The following COG7 variants were observed in gnomAD, a reference collection of about 807,000 sequenced individuals.
The protein encoded by COG7 is conserved oligomeric Golgi complex subunit 7.
A neutral mutation model predicts 91.5 loss-of-function variants in COG7; 49 were observed. The observed-to-expected ratio is 0.54, with a 90% CI of 0.43 to 0.68. The LOEUF (loss-of-function observed/expected upper bound fraction) is 0.68. Ranked by LOEUF, COG7 falls within the 30% of genes least tolerant of loss-of-function variation. The pLI, the probability that COG7 is intolerant of heterozygous loss-of-function variation, is 0.00. For missense variants in COG7, 895 were observed against 961.3 expected, an observed-to-expected ratio of 0.93 and a Z score of 0.91; for synonymous variants, 365 against 388.7, an observed-to-expected ratio of 0.94 and a Z score of 0.72.
At chr16:23,417,251 G>T in intron 8 of COG7, 130 bp from the exon 9 acceptor site, 1 of 929,886 alleles carries the variant, frequency 1.1e-6, no homozygotes, top group Non-Finnish European at 1.7e-6. Context: ...TAGTCCCAAC[G>T]TTTGAATGCT....
Position 23,388,790 on chromosome 16 carries a change from G to A in COG7, c.*130C>T, listed in dbSNP as rs915657235. 41 of 1,508,934 alleles carry A rather than the reference G, an allele frequency of 2.7e-5. No individual in the cohort carries two copies. The highest frequency in any genetic ancestry group is 5.6e-5 in the African/African-American group (4 of 71,616). The allele number at this position is 1,508,934 out of a possible 1,614,324, so 93.5% of individuals were successfully genotyped here. A position where few individuals can be genotyped will look rare whatever the true frequency, so the allele number is the denominator to read the frequency against. On this transcript the variant is annotated 3_prime_UTR_variant, in exon 17 of 17. Coordinates refer to ENST00000307149, the MANE Select transcript of COG7 (RefSeq NM_153603.4). Reference sequence around the variant, plus strand: ...GCTGGGATTACAGGCGTGAGCCACCGTGACCAGCTGAACCAAGTCTTTTTA... The same window carrying A: ...GCTGGGATTACAGGCGTGAGCCACCATGACCAGCTGAACCAAGTCTTTTTA...
rs1963457227 is a variant in COG7, at chr16:23,406,153, A to G, written c.1585T>C (p.Trp529Arg). The G allele has an allele frequency of 6.2e-6, 10 of 1,614,178 alleles. No homozygotes were observed. The highest frequency in any genetic ancestry group is 2.2e-5 in the East Asian group (1 of 44,876). ...TTCTGGAGGTAATTATATTCTTGCCATGGGTTCTTGGCAGAGTTCTTCTTG... is the reference window on the plus strand; with the variant it reads ...TTCTGGAGGTAATTATATTCTTGCCGTGGGTTCTTGGCAGAGTTCTTCTTG... Reference protein sequence around the residue: ...TDKKNSAKNPWQEYNYLQKDN... With the variant: ...TDKKNSAKNPRQEYNYLQKDN... The change falls in exon 12 of 17, where the codon TGG (tryptophan) becomes CGG (arginine). Residue 529 changes from tryptophan (W) to arginine (R), a missense_variant. Coordinates refer to ENST00000307149, the MANE Select transcript of COG7 (RefSeq NM_153603.4).
chr16:23,439,114 T>C (rs1964057796), intron 4 of COG7, among the ~76,000 whole-genome samples: 1 of 143,410 alleles, frequency 7.0e-6, no homozygotes, highest in Admixed American at 7.5e-5. Context: ...GCCGAGATCA[T>C]GCCACTGCAC....
intron 1 of COG7, among the ~76,000 whole-genome samples, chr16:23,450,757 G>A (rs1567350745): frequency 1.3e-5 from 2 of 151,990 alleles, no homozygotes; most frequent in South Asian, 2.1e-4. Flanking sequence ...CCTCGAGCCC[G>A]AGAGGTGAAG....
rs751412998 is a variant in COG7 at position 23,445,031 on chromosome 16, C to G, written c.435+17G>C. 6.3e-7 allele frequency: 1 copy of G among 1,581,214 alleles called. No individual in the cohort carries two copies. Among genetic ancestry groups the G allele is most frequent in the Non-Finnish European group, 8.7e-7 (1 of 1,149,932 alleles). On this transcript the variant is annotated intron_variant, in intron 3 of 16. Transcript: ENST00000307149. Reference sequence around the variant, plus strand: ...GCTTAAATACCTTTCATAACATCCCCTAAACAAGAAACCTACCTGAGTCTT... The same window carrying G: ...GCTTAAATACCTTTCATAACATCCCGTAAACAAGAAACCTACCTGAGTCTT...
At position 23,398,261 on chromosome 16, in the gene COG7, C is replaced by G. The variant is rs1963317081; in HGVS notation, c.1804-132G>C. 5.5e-6 allele frequency: 4 copies of G among 733,152 alleles called. No individual in the cohort carries two copies. The South Asian group carries it at 6.0e-5, about 11-fold the overall frequency. 45.4% of individuals were successfully genotyped at this position (733,152 alleles called of 1,614,324 possible). A position where few individuals can be genotyped will look rare whatever the true frequency, so the allele number is the denominator to read the frequency against. On this transcript the variant is annotated intron_variant, in intron 13 of 16. Coordinates refer to ENST00000307149, the MANE Select transcript of COG7 (RefSeq NM_153603.4). ...CTTTGGTTGGAGCTGACCGTTGGAG[C>G]CTCCACCACTCAGCAGGCAGGGGCT...
At chr16:23,396,978 C>G (rs1013405147) in intron 14 of COG7, among the ~76,000 whole-genome samples, 7 of 152,098 alleles carry the variant, frequency 4.6e-5, no homozygotes, top group Admixed American at 3.9e-4. Context: ...GGTGCAATCA[C>G]AGCTCACTGC....
intron 5 of COG7, 80 bp downstream of exon 5, chr16:23,434,556 A>C (rs985219071): frequency 1.8e-6 from 2 of 1,084,578 alleles, no homozygotes; most frequent in Non-Finnish European, 2.8e-6. Flanking sequence ...TTACCTTCTG[A>C]ATTATGAACC....
chr16:23,439,944 C>T (rs1964073533), intron 4 of COG7, among the ~76,000 whole-genome samples: 1 of 151,990 alleles, frequency 6.6e-6, no homozygotes, highest in Admixed American at 6.6e-5. Flanking sequence ...AAATTTTAGG[C>T]AATAATTGCT....
At chr16:23,410,085 T>C (rs1329312394) in intron 11 of COG7, among the ~76,000 whole-genome samples, 2 of 152,254 alleles carry the variant, frequency 1.3e-5, no homozygotes, top group African/African-American at 4.8e-5. Context: ...ACGTGACCCC[T>C]GCCAAGTAGG....
At chr16:23,449,532 T>C (rs1418035504) in intron 1 of COG7, among the ~76,000 whole-genome samples, 2 of 150,794 alleles carry the variant, frequency 1.3e-5, no homozygotes, top group South Asian at 2.1e-4. Context: ...TCACCTGAGG[T>C]TGGGAGCTCG....
chr16:23,440,147 G>A (rs1231285492), intron 4 of COG7, among the ~76,000 whole-genome samples: 1 of 151,834 alleles, frequency 6.6e-6, no homozygotes, highest in Non-Finnish European at 1.5e-5. Flanking sequence ...CCTGCACTTT[G>A]GGAGGCCAAG....
chr16:23,422,606 T>C (rs1009385137), intron 7 of COG7, among the ~76,000 whole-genome samples: 1 of 151,602 alleles, frequency 6.6e-6, no homozygotes, highest in Admixed American at 6.6e-5. Context: ...TTTGTATTAC[T>C]GGAAGCAAAT....
At chr16:23,406,391 T>C (rs1277842158) in intron 11 of COG7, 129 bp from the exon 12 acceptor site, 1 of 845,440 alleles carries the variant, frequency 1.2e-6, no homozygotes, top group Non-Finnish European at 1.9e-6. Flanking sequence ...AGGTCCAGTT[T>C]ATAAGGCAAC....
intron 9 of COG7, chr16:23,413,942 AACTG>A (rs1419712825): frequency 4.5e-6 from 1 of 219,880 alleles, no homozygotes; most frequent in Non-Finnish European, 9.2e-6. Context: ...CCATGGTAAT[AACTG>A]ACTGTGACCT....
At chr16:23,449,178 A>G (rs1388724624) in intron 1 of COG7, among the ~76,000 whole-genome samples, 1 of 151,756 alleles carries the variant, frequency 6.6e-6, no homozygotes, top group African/African-American at 2.4e-5. Flanking sequence ...TCTGGCTAAC[A>G]AGGTGAAACC....
At chr16:23,395,545 A>G (rs1046867359) in intron 14 of COG7, among the ~76,000 whole-genome samples, 1 of 152,190 alleles carries the variant, frequency 6.6e-6, no homozygotes, top group Admixed American at 6.5e-5. Context: ...TGTGTGGGTG[A>G]GGGCTTTCAC....
At chr16:23,402,024 T>C (rs982900171) in intron 13 of COG7, among the ~76,000 whole-genome samples, 22 of 152,088 alleles carry the variant, frequency 1.4e-4, no homozygotes, top group African/African-American at 5.3e-4. Flanking sequence ...GCCACTGCAT[T>C]CCAGCCTGGG....
In COG7 at chr16:23,398,032, A is replaced by G; in HGVS notation, c.1887+14T>C. ...GACTTGGACCACCCTGGAGAAGCAC[A>G]CAGAAGCTCTTACGTTGCTGATGTA... On this transcript the variant is annotated intron_variant, in intron 14 of 16. Coordinates refer to ENST00000307149, the MANE Select transcript of COG7 (RefSeq NM_153603.4). The G allele has an allele frequency of 6.2e-7, 1 of 1,611,724 alleles. No homozygotes were observed. The highest frequency in any genetic ancestry group is 8.5e-7 in the Non-Finnish European group (1 of 1,177,804).
Sources: allele counts gnomAD v4.1 joint callset (sites outside exome capture counted in the v4.1 genomes callset), GRCh38; gene constraint gnomAD v4.1.1; transcripts MANE v1.5; gene names NCBI Gene and HGNC (gene_info 2026-07-23, HGNC 2026-07-21).